The following DLGAP1 variants were observed in gnomAD, a reference collection of about 807,000 sequenced individuals.
The protein encoded by DLGAP1 is disks large-associated protein 1.
A neutral mutation model predicts 90.8 loss-of-function variants in DLGAP1; 11 were observed. The ratio of observed to expected loss-of-function variants is 0.12; its 90% CI spans 0.08 to 0.20. The LOEUF (loss-of-function observed/expected upper bound fraction) is 0.20. DLGAP1 is among the 10% of genes least tolerant of loss of function. The pLI is 1.00. For synonymous variants in DLGAP1, 558 were observed against 540.7 expected (o/e 1.03, Z -0.44); for missense variants, 1,050 against 1,333.8 (o/e 0.79, Z 3.31).
At chr18:3,819,744 T>A (rs2067301273) in intron 4 of DLGAP1, among the ~76,000 whole-genome samples, 1 of 152,146 alleles carries the variant, frequency 6.6e-6, no homozygotes, top group African/African-American at 2.4e-5. Context: ...CCATTCACAG[T>A]TCAGGAATCT....
At chr18:4,160,883 C>G (rs1186031773) in intron 1 of DLGAP1, among the ~76,000 whole-genome samples, 2 of 152,070 alleles carry the variant, frequency 1.3e-5, no homozygotes, top group Non-Finnish European at 2.9e-5. Flanking sequence ...TTATCCCATT[C>G]TACAGATACC....
intron 3 of DLGAP1, among the ~76,000 whole-genome samples, chr18:3,922,341 A>G (rs1238946819): frequency 1.3e-5 from 2 of 152,238 alleles, no homozygotes; most frequent in Non-Finnish European, 2.9e-5. Context: ...GCATTAAGCC[A>G]GGCACTAGGG....
chr18:3,589,660 A>T (rs1024587634), intron 7 of DLGAP1, among the ~76,000 whole-genome samples: 18 of 152,186 alleles, frequency 1.2e-4, no homozygotes, highest in African/African-American at 3.9e-4. Context: ...AGGCGTTGTT[A>T]TTAAGTGCAG....
intron 1 of DLGAP1, among the ~76,000 whole-genome samples, chr18:4,382,082 C>T (rs1006784995): frequency 1.1e-4 from 17 of 152,132 alleles, no homozygotes; most frequent in Non-Finnish European, 1.8e-4. Flanking sequence ...AGGTCCCTCC[C>T]ACAACATGTG....
At chr18:4,435,910 G>C (rs2083388730) in intron 1 of DLGAP1, among the ~76,000 whole-genome samples, 1 of 152,192 alleles carries the variant, frequency 6.6e-6, no homozygotes, top group Non-Finnish European at 1.5e-5. Flanking sequence ...GCTGAGGCGG[G>C]CTTAGGGACT....
chr18:4,444,571 T>C (rs1048462276), intron 1 of DLGAP1, among the ~76,000 whole-genome samples: 3 of 152,176 alleles, frequency 2.0e-5, no homozygotes, highest in Admixed American at 1.3e-4. Context: ...ATTCTTAAAC[T>C]TGTTCAGCAA....
At chr18:3,959,873 C>G (rs892953657) in intron 3 of DLGAP1, among the ~76,000 whole-genome samples, 1 of 152,134 alleles carries the variant, frequency 6.6e-6, no homozygotes, top group African/African-American at 2.4e-5. Context: ...TTATTTTACA[C>G]CGTCTCTTTT....
chr18:3,926,957 G>A (rs1283012844), intron 3 of DLGAP1, among the ~76,000 whole-genome samples: 5 of 152,142 alleles, frequency 3.3e-5, no homozygotes, highest in African/African-American at 4.8e-5. Flanking sequence ...AATGACATAG[G>A]AGTTTGCTTG....
chr18:3,540,360 G>A (rs1311737089), intron 9 of DLGAP1, among the ~76,000 whole-genome samples: 3 of 151,078 alleles, frequency 2.0e-5, no homozygotes, highest in Admixed American at 6.6e-5. Flanking sequence ...CCAGCTACTC[G>A]GGAGGCTAAG....
intron 4 of DLGAP1, among the ~76,000 whole-genome samples, chr18:3,857,622 T>C (rs1004056518): frequency 8.5e-5 from 13 of 152,134 alleles, no homozygotes; most frequent in African/African-American, 2.7e-4. Context: ...ATCCTCTTCG[T>C]CTCCCTTTAC....
At chr18:3,541,167 G>C (rs1029121245) in intron 9 of DLGAP1, among the ~76,000 whole-genome samples, 3 of 152,166 alleles carry the variant, frequency 2.0e-5, no homozygotes, top group African/African-American at 7.2e-5. Flanking sequence ...GAGGCTGTAG[G>C]CTTGTAAGTC....
At chr18:4,412,716 G>A (rs944375477) in intron 1 of DLGAP1, among the ~76,000 whole-genome samples, 4 of 152,160 alleles carry the variant, frequency 2.6e-5, no homozygotes, top group Non-Finnish European at 4.4e-5. Context: ...AAATTTGGAG[G>A]TGGCAATGGT....
At position 3,639,106 on chromosome 18, in the gene DLGAP1, A is replaced by C. The variant is rs545540127; in HGVS notation, c.1592-56858T>G. On this transcript the variant is annotated intron_variant, in intron 7 of 12. Coordinates refer to ENST00000315677, the MANE Select transcript of DLGAP1 (RefSeq NM_004746.4). ...CACAGTGGCTCACGCCTGTAATCCCAGCACTTTGGGAGGCCAAGGCAGGTG... is the reference window on the plus strand; with the variant it reads ...CACAGTGGCTCACGCCTGTAATCCCCGCACTTTGGGAGGCCAAGGCAGGTG... 6.6e-5 allele frequency among the ~76,000 whole-genome samples: 10 copies of C among 152,320 alleles called. No homozygotes were observed. In the East Asian group the frequency reaches 1.7e-3, roughly 26 times the overall value.
intron 1 of DLGAP1, among the ~76,000 whole-genome samples, chr18:4,179,384 T>C (rs2077169630): frequency 6.6e-6 from 1 of 152,198 alleles, no homozygotes. Context: ...TTCAATAAAA[T>C]AGAGCTAGTT....
At chr18:4,448,189 G>C (rs79627487) in intron 1 of DLGAP1, among the ~76,000 whole-genome samples, 1 of 152,064 alleles carries the variant, frequency 6.6e-6, no homozygotes, top group Non-Finnish European at 1.5e-5. Flanking sequence ...CTCATTCTCT[G>C]TTGAGCCCCT....
chr18:3,541,512 G>A (rs889217788), intron 9 of DLGAP1, among the ~76,000 whole-genome samples: 3 of 152,196 alleles, frequency 2.0e-5, no homozygotes, highest in African/African-American at 4.8e-5. Flanking sequence ...GTACTCCAAG[G>A]AAACTTTGAA....
chr18:3,601,776 C>T (rs1450464525), intron 7 of DLGAP1, among the ~76,000 whole-genome samples: 3 of 147,196 alleles, frequency 2.0e-5, no homozygotes, highest in Non-Finnish European at 3.0e-5. Context: ...ACCAAGGAAG[C>T]GGAGGTTGCA....
chr18:4,233,243 C>T (rs370564090), intron 1 of DLGAP1, among the ~76,000 whole-genome samples: 1 of 152,080 alleles, frequency 6.6e-6, no homozygotes, highest in Non-Finnish European at 1.5e-5. Flanking sequence ...TCCCTGGCCC[C>T]GATCTAAGCC....
At chr18:4,278,104 A>C (rs1432274961) in intron 1 of DLGAP1, among the ~76,000 whole-genome samples, 1 of 152,106 alleles carries the variant, frequency 6.6e-6, no homozygotes, top group Admixed American at 6.5e-5. Context: ...TTTGGTAACA[A>C]TACTTTTGTT....
Sources: allele counts gnomAD v4.1 joint callset (sites outside exome capture counted in the v4.1 genomes callset), GRCh38; gene constraint gnomAD v4.1.1; transcripts MANE v1.5; gene names NCBI Gene and HGNC (gene_info 2026-07-23, HGNC 2026-07-21).